NOS1AP: variants seen among roughly 807,000 people sequenced by gnomAD.
NOS1AP encodes the protein carboxyl-terminal PDZ ligand of neuronal nitric oxide synthase protein.
NOS1AP carries 21 observed loss-of-function variants against 56.2 expected under a neutral mutation model. The ratio of observed to expected loss-of-function variants is 0.37; its 90% CI spans 0.26 to 0.54. The LOEUF (loss-of-function observed/expected upper bound fraction) is 0.54, where lower values mean the gene tolerates loss of function less well. NOS1AP is among the 20% of genes least tolerant of loss of function. The pLI, the probability that NOS1AP is intolerant of heterozygous loss-of-function variation, is 0.84. For synonymous variants in NOS1AP, 270 were observed against 274.6 expected, an observed-to-expected ratio of 0.98 and a Z score of 0.17; for missense variants, 522 against 657.8, an observed-to-expected ratio of 0.79 and a Z score of 2.26.
intron 2 of NOS1AP, among the ~76,000 whole-genome samples, chr1:162,178,881 A>C (rs1315546165): frequency 6.6e-6 from 1 of 152,194 alleles, no homozygotes; most frequent in African/African-American, 2.4e-5. Flanking sequence ...TGTCAAACAT[A>C]CACCAAAGTA....
intron 4 of NOS1AP, among the ~76,000 whole-genome samples, chr1:162,323,272 G>A (rs1264750542): frequency 6.6e-6 from 1 of 152,242 alleles, no homozygotes; most frequent in Non-Finnish European, 1.5e-5. Flanking sequence ...GTTGGCAGCA[G>A]CCAGAAGCTA....
At chr1:162,301,141 A>C (rs983637681) in intron 4 of NOS1AP, among the ~76,000 whole-genome samples, 1 of 152,214 alleles carries the variant, frequency 6.6e-6, no homozygotes, top group Non-Finnish European at 1.5e-5. Context: ...TTCATGCAGT[A>C]ATCGAAAGTC....
chr1:162,351,771 T>G (rs1657505152), intron 6 of NOS1AP, among the ~76,000 whole-genome samples: 1 of 152,228 alleles, frequency 6.6e-6, no homozygotes, highest in Non-Finnish European at 1.5e-5. Flanking sequence ...CTTTCCTTGG[T>G]AGCCAGGCTT....
intron 2 of NOS1AP, among the ~76,000 whole-genome samples, chr1:162,246,188 A>C (rs552240531): frequency 2.8e-4 from 43 of 152,328 alleles, no homozygotes; most frequent in Non-Finnish European, 5.1e-4. Flanking sequence ...CTTGTTGTAG[A>C]ATCCATTTTT....
At chr1:162,219,376 TC>T (rs1652691565) in intron 2 of NOS1AP, among the ~76,000 whole-genome samples, 1 of 152,286 alleles carries the variant, frequency 6.6e-6, no homozygotes, top group African/African-American at 2.4e-5. Flanking sequence ...GTTTCCATCT[TC>T]CTTTCATCTC....
chr1:162,109,379 G>A (rs75576593), intron 1 of NOS1AP, among the ~76,000 whole-genome samples: 3,041 of 152,300 alleles, frequency 0.02, 109 homozygotes, highest in African/African-American at 0.069. Context: ...AGATAGCGTT[G>A]TGGCAATTAT....
At chr1:162,338,741 C>G (rs143629348) in intron 5 of NOS1AP, 114 of 152,234 alleles carry the variant, frequency 7.5e-4, no homozygotes, top group African/African-American at 2.6e-3. Flanking sequence ...TCATGATTGA[C>G]TATAATTTTT....
chr1:162,348,558 C>A (rs900955615), intron 6 of NOS1AP, among the ~76,000 whole-genome samples: 2 of 152,196 alleles, frequency 1.3e-5, no homozygotes, highest in African/African-American at 4.8e-5. Context: ...GTATACCACT[C>A]TTCCTAAGAA....
At chr1:162,258,833 G>C (rs1654117243) in intron 2 of NOS1AP, among the ~76,000 whole-genome samples, 1 of 152,156 alleles carries the variant, frequency 6.6e-6, no homozygotes, top group Admixed American at 6.5e-5. Flanking sequence ...TAAATATTGA[G>C]ATTTAAGTGG....
intron 2 of NOS1AP, among the ~76,000 whole-genome samples, chr1:162,194,033 C>G (rs1191034994): frequency 1.3e-5 from 2 of 152,156 alleles, no homozygotes; most frequent in Admixed American, 1.3e-4. Flanking sequence ...GCTGTCACTT[C>G]AACAAGTGTC....
chr1:162,342,232 T>A (rs1447226580), intron 5 of NOS1AP, among the ~76,000 whole-genome samples: 1 of 152,228 alleles, frequency 6.6e-6, no homozygotes, highest in Non-Finnish European at 1.5e-5. Flanking sequence ...GAGAGACCAA[T>A]GGAGAATATC....
chr1:162,131,488 AT>A (rs1374822517), intron 1 of NOS1AP, among the ~76,000 whole-genome samples: 1 of 151,502 alleles, frequency 6.6e-6, no homozygotes, highest in African/African-American at 2.4e-5. Flanking sequence ...TAGGGTCTTT[AT>A]TATATTAGCT....
intron 2 of NOS1AP, among the ~76,000 whole-genome samples, chr1:162,159,781 G>A (rs1428167784): frequency 6.6e-6 from 1 of 152,176 alleles, no homozygotes; most frequent in Non-Finnish European, 1.5e-5. Flanking sequence ...ATGAAATCTG[G>A]GGAGGCTCCA....
At chr1:162,081,620 C>T (rs929659449) in intron 1 of NOS1AP, among the ~76,000 whole-genome samples, 7 of 148,958 alleles carry the variant, frequency 4.7e-5, no homozygotes, top group Non-Finnish European at 8.9e-5. Flanking sequence ...GATCATGACT[C>T]ATTGCAGCCT....
At chr1:162,346,587 T>G (rs766988616) in intron 6 of NOS1AP, among the ~76,000 whole-genome samples, 2 of 152,214 alleles carry the variant, frequency 1.3e-5, no homozygotes, top group Non-Finnish European at 2.9e-5. Flanking sequence ...ATCTCCAGAA[T>G]AGTACACAAG....
In NOS1AP at chr1:162,197,703, G is replaced by A. The variant is rs138710986; in HGVS notation, c.177+43227G>A. Among the ~76,000 whole-genome samples the A allele has an allele frequency of 2.4e-3, 363 of 152,260 alleles. 3 individuals are homozygous for A. The highest frequency in any genetic ancestry group is 7.9e-3 in the African/African-American group (327 of 41,542). ...TCGGGTCACTTAGGGGCTAGGCCTC[G>A]CACCTGATCTGTTGTATTTCTCTGC... On this transcript the variant is annotated intron_variant, in intron 2 of 9. Transcript: ENST00000361897.
intron 2 of NOS1AP, among the ~76,000 whole-genome samples, chr1:162,226,718 A>G (rs1463787033): frequency 6.6e-6 from 1 of 152,118 alleles, no homozygotes; most frequent in Non-Finnish European, 1.5e-5. Flanking sequence ...AGTACAACTC[A>G]CTTTCCCTCC....
At chr1:162,211,942 GA>G (rs1448785207) in intron 2 of NOS1AP, among the ~76,000 whole-genome samples, 1 of 152,182 alleles carries the variant, frequency 6.6e-6, no homozygotes, top group Non-Finnish European at 1.5e-5. Flanking sequence ...ACAGAAAACA[GA>G]ACCAAGACCC....
rs188468175 is a variant in NOS1AP, at chr1:162,104,718, T to C, written c.105+34436T>C. Among the ~76,000 whole-genome samples, 228 of 152,344 alleles carry C rather than the reference T, an allele frequency of 1.5e-3. 1 individual carries two copies. Among genetic ancestry groups the C allele is most frequent in the Non-Finnish European group, 6.6e-4 (45 of 68,028 alleles). The stretch of plus-strand genomic sequence containing the variant: ...TCTGCTACTGATACTTGTCATTGCA[T>C]TGTGAAGTTCCTGTGTTGTGTTTTT... On this transcript the variant is annotated intron_variant, in intron 1 of 9. Transcript: ENST00000361897.
Sources: allele counts gnomAD v4.1 joint callset (sites outside exome capture counted in the v4.1 genomes callset), GRCh38; gene constraint gnomAD v4.1.1; transcripts MANE v1.5; gene names NCBI Gene and HGNC (gene_info 2026-07-23, HGNC 2026-07-21).